Variants in CACNA1C observed in about 807,000 individuals in gnomAD.
CACNA1C encodes the protein calcium voltage-gated channel subunit alpha1 C.
Under a neutral mutation model 229.0 loss-of-function variants are expected in CACNA1C, and 30 were observed. The ratio of observed to expected loss-of-function variants is 0.13; its 90% CI spans 0.10 to 0.18. CACNA1C has a LOEUF of 0.18. Among genes scored for constraint, CACNA1C ranks in the 10% least tolerant of loss-of-function variants. The pLI, the probability that CACNA1C is intolerant of heterozygous loss-of-function variation, is 1.00. For missense variants in CACNA1C, 1,658 were observed against 2,845.0 expected (o/e 0.58, Z 9.49); for synonymous variants, 1,114 against 1,132.5 (o/e 0.98, Z 0.33).
chr12:2,329,204 C>T (rs575046566), intron 3 of CACNA1C, among the ~76,000 whole-genome samples: 1 of 152,204 alleles, frequency 6.6e-6, no homozygotes, highest in Non-Finnish European at 1.5e-5. Context: ...TTTCAGTCTC[C>T]ACCCATTTTC....
intron 3 of CACNA1C, among the ~76,000 whole-genome samples, chr12:2,128,911 C>A (rs1439957489): frequency 6.6e-6 from 1 of 152,184 alleles, no homozygotes; most frequent in South Asian, 2.1e-4. Context: ...AAATAATTCA[C>A]CCTGTGAGAT....
chr12:2,600,504 C>A (rs1213426645), intron 21 of CACNA1C, among the ~76,000 whole-genome samples: 5 of 152,240 alleles, frequency 3.3e-5, no homozygotes, highest in African/African-American at 9.6e-5. Flanking sequence ...CCTTGCTCCA[C>A]CTCTCCACTG....
chr12:2,331,248 G>A (rs2096537580), intron 3 of CACNA1C, among the ~76,000 whole-genome samples: 1 of 152,116 alleles, frequency 6.6e-6, no homozygotes. Flanking sequence ...GTACATGTAT[G>A]GATGTATATA....
At chr12:2,360,174 A>T (rs867863818) in intron 3 of CACNA1C, among the ~76,000 whole-genome samples, 3 of 20,222 alleles carry the variant, frequency 1.5e-4, no homozygotes, top group East Asian at 3.0e-3. Flanking sequence ...CCACCCCCCC[A>T]CCCCACACAC....
At chr12:1,996,531 A>G (rs557307465) in intron 1 of CACNA1C, among the ~76,000 whole-genome samples, 1 of 149,060 alleles carries the variant, frequency 6.7e-6, no homozygotes, top group East Asian at 2.0e-4. Flanking sequence ...AGGGGTGTCC[A>G]ATCTTTTGGC....
intron 3 of CACNA1C, among the ~76,000 whole-genome samples, chr12:2,344,680 G>A (rs1178018703): frequency 1.3e-5 from 2 of 152,088 alleles, no homozygotes; most frequent in African/African-American, 4.8e-5. Context: ...TCCCAGATGA[G>A]GATGTGCGCC....
intron 3 of CACNA1C, among the ~76,000 whole-genome samples, chr12:2,379,747 C>T (rs2154544840): frequency 6.6e-6 from 1 of 152,266 alleles, no homozygotes; most frequent in South Asian, 2.1e-4. Context: ...TAAATAAAGA[C>T]ATGGCCGGGC....
intron 1 of CACNA1C, among the ~76,000 whole-genome samples, chr12:2,094,897 G>T (rs1316340508): frequency 6.6e-6 from 1 of 152,146 alleles, no homozygotes; most frequent in African/African-American, 2.4e-5. Flanking sequence ...GGCCCCAGGG[G>T]CTCAACCCCC....
At chr12:2,525,035 T>A (rs376576712) in intron 9 of CACNA1C, among the ~76,000 whole-genome samples, 26 of 152,162 alleles carry the variant, frequency 1.7e-4, no homozygotes, top group South Asian at 6.3e-4. Flanking sequence ...ATTGCACATG[T>A]TTCATGGTGA....
intron 3 of CACNA1C, among the ~76,000 whole-genome samples, chr12:2,158,602 T>C (rs569614786): frequency 1.3e-5 from 2 of 152,248 alleles, no homozygotes; most frequent in South Asian, 2.1e-4. Context: ...CCCGCAGCCA[T>C]GTGGGAAGCT....
intron 3 of CACNA1C, among the ~76,000 whole-genome samples, chr12:2,368,935 G>A (rs1348088936): frequency 6.6e-6 from 1 of 152,200 alleles, no homozygotes; most frequent in Non-Finnish European, 1.5e-5. Context: ...GAATGGTGCG[G>A]GTAAAGGAAT....
At chr12:2,268,325 G>A (rs1566784554) in intron 3 of CACNA1C, among the ~76,000 whole-genome samples, 1 of 152,224 alleles carries the variant, frequency 6.6e-6, no homozygotes, top group African/African-American at 2.4e-5. Flanking sequence ...TCCAGGCTCG[G>A]TGGCTGGAAC....
At chr12:2,092,405 C>T (rs1462647484) in intron 1 of CACNA1C, among the ~76,000 whole-genome samples, 1 of 152,176 alleles carries the variant, frequency 6.6e-6, no homozygotes, top group Non-Finnish European at 1.5e-5. Context: ...GATGTGTCTC[C>T]TTGTGGCTTG....
chr12:2,169,581 G>A (rs1449935953), intron 3 of CACNA1C, among the ~76,000 whole-genome samples: 1 of 152,158 alleles, frequency 6.6e-6, no homozygotes, highest in African/African-American at 2.4e-5. Flanking sequence ...CTGTCATGTT[G>A]TGGTCACTGA....
intron 10 of CACNA1C, among the ~76,000 whole-genome samples, chr12:2,555,216 G>T (rs2043455236): frequency 6.6e-6 from 1 of 152,220 alleles, no homozygotes; most frequent in Non-Finnish European, 1.5e-5. Flanking sequence ...CTCAGGATTA[G>T]GTTTCCCCAG....
Position 2,666,946 on chromosome 12 carries a change from C to CA in CACNA1C, c.4623+165dup, listed in dbSNP as rs540628096. On this transcript the variant is annotated intron_variant, in intron 37 of 46. Coordinates refer to ENST00000399655, the MANE Select transcript of CACNA1C (RefSeq NM_000719.7). This position sits in a 1 kb window ranked among gnomAD's most constrained non-coding sequence, Gnocchi z 5.3. ...ATTCTCAGACTCTATGAGGGAATAA[C>CA]AGAGTGAATGCCTCCTGTCCTACTG... is the stretch of plus-strand genomic sequence containing the variant. 2.3e-3 allele frequency among the ~76,000 whole-genome samples: 356 copies of CA among 152,298 alleles called. 3 individuals carry two copies. Among genetic ancestry groups the CA allele is most frequent in the African/African-American group, 7.9e-3 (329 of 41,572 alleles).
intron 1 of CACNA1C, among the ~76,000 whole-genome samples, chr12:2,089,266 T>C (rs1489320461): frequency 6.6e-6 from 1 of 152,216 alleles, no homozygotes; most frequent in East Asian, 1.9e-4. Flanking sequence ...GACCCTGAGG[T>C]AAGCCATTGA....
chr12:2,511,155 C>G (rs1326250115), intron 8 of CACNA1C, among the ~76,000 whole-genome samples: 1 of 152,184 alleles, frequency 6.6e-6, no homozygotes, highest in Non-Finnish European at 1.5e-5. Context: ...AAAATTCAAT[C>G]CAAACCAGAG....
intron 3 of CACNA1C, among the ~76,000 whole-genome samples, chr12:2,251,820 G>A (rs1223602000): frequency 1.3e-5 from 2 of 152,150 alleles, no homozygotes; most frequent in Admixed American, 1.3e-4. Context: ...GCGAGAGGTG[G>A]GGCTGAGGAT....
Sources: allele counts gnomAD v4.1 joint callset (sites outside exome capture counted in the v4.1 genomes callset), GRCh38; gene constraint gnomAD v4.1.1; non-coding constraint Gnocchi (gnomAD v3.1); transcripts MANE v1.5; gene names NCBI Gene and HGNC (gene_info 2026-07-23, HGNC 2026-07-21).